The following KMT2D variants were observed in gnomAD, a reference collection of about 807,000 sequenced individuals.
The protein encoded by KMT2D is lysine methyltransferase 2D.
KMT2D carries 55 observed loss-of-function variants against 512.7 expected under a neutral mutation model. The observed-to-expected ratio is 0.11, with a 90% CI of 0.09 to 0.13. The LOEUF is 0.13. Ranked by LOEUF, KMT2D falls within the 10% of genes least tolerant of loss-of-function variation. The probability of loss-of-function intolerance (pLI) is 1.00; values close to 1 mark genes in which losing one functional copy is unlikely to be tolerated. For missense variants in KMT2D, 6,061 were observed against 7,127.9 expected, an observed-to-expected ratio of 0.85 and a Z score of 5.39; for synonymous variants, 2,995 against 2,904.0, an observed-to-expected ratio of 1.03 and a Z score of -1.01.
chr12:49,053,118 GACTAAAC>G lies in KMT2D; in HGVS notation c.955-53_955-47del, dbSNP rs781575851. On this transcript the variant is annotated intron_variant, in intron 8 of 54. Coordinates refer to ENST00000301067, the MANE Select transcript of KMT2D (RefSeq NM_003482.4). The stretch of plus-strand genomic sequence containing the variant: ...AAACAGGCATTGGTCAGACAGCAAA[GACTAAAC>G]GAAAGTACACAACTTGTCAAGACAG... 16 of 1,613,300 alleles carry G rather than the reference GACTAAAC, an allele frequency of 9.9e-6. No homozygotes were observed. The African/African-American group carries it at 2.0e-4, about 20-fold the overall frequency.
rs574622908 is a variant in KMT2D at position 49,046,358 on chromosome 12, G to T, written c.4485C>A (p.Tyr1495Ter). ...PGFHCEWQNS[Y>*]THCGPCASLV... ...GGCTGGCACAGGGCCCACAGTGTGT[G>T]TAACTATTCTGCCATTCACAGTGGA... The change falls in exon 17 of 55, where the codon TAC (tyrosine) becomes TAA (stop). Residue 1495 changes from tyrosine (Y) to a stop codon, truncating the protein, a stop_gained. Transcript: ENST00000301067. LOFTEE classifies it high-confidence loss of function. The surrounding 1 kb of genome is among the most constrained non-coding windows in gnomAD (Gnocchi z 4.2). 1 of 1,614,006 alleles carries T rather than the reference G, an allele frequency of 6.2e-7. No homozygotes were observed. Among genetic ancestry groups the T allele is most frequent in the Admixed American group, 1.7e-5 (1 of 60,018 alleles).
chr12:49,023,795 C>T (rs955264903), intron 51 of KMT2D, among the ~76,000 whole-genome samples: 8 of 152,200 alleles, frequency 5.3e-5, no homozygotes, highest in African/African-American at 1.9e-4. Flanking sequence ...AAGGACAAGG[C>T]TGGCTAGGGA....
chr12:49,054,064 G>A lies in KMT2D; in HGVS notation c.587C>T (p.Pro196Leu), dbSNP rs765493981. 1 of 1,613,814 alleles carries A rather than the reference G, an allele frequency of 6.2e-7. No homozygotes were observed. Among genetic ancestry groups the A allele is most frequent in the African/African-American group, 1.3e-5 (1 of 74,916 alleles). ...GAAGGAACCGCTGGCAGTCGCGCAG[G>A]GGAAGTGGTAAAGCCGTGGACATCC... ...SPGCPRLYHF[P>L]CATASGSFLS... Residue 196 changes from proline to leucine, a missense_variant, in exon 6 of 55, where the codon CCC becomes CTC. Transcript: ENST00000301067. This position sits in a 1 kb window ranked among gnomAD's most constrained non-coding sequence, Gnocchi z 6.4.
Position 49,032,505 on chromosome 12 carries a change from G to A in KMT2D, c.12200C>T (p.Pro4067Leu), listed in dbSNP as rs1456513754. 1.9e-6 allele frequency: 3 copies of A among 1,580,074 alleles called. No individual in the cohort carries two copies. The highest frequency in any genetic ancestry group is 1.9e-5 in the Admixed American group (1 of 53,820). The change falls in exon 40 of 55, where the codon CCC becomes CTC. Residue 4067 changes from proline to leucine, a missense_variant. Pro to Leu is a moderately conservative substitution (Grantham distance 98, BLOSUM62 -3). This residue lies in a region of KMT2D where 1,600 missense variants were observed against 1,754.9 expected (regional missense o/e 0.91). Transcript: ENST00000301067. Reference protein sequence around the residue: ...SMATEPGEVKPSLSGDSQLLL... With the variant: ...SMATEPGEVKLSLSGDSQLLL... ...GAGTTGTGAGTCCCCAGAGAGTGAG[G>A]GCTTTACCTCTCCTGGTTCAGTGGC...
At position 49,030,421 on chromosome 12, in the gene KMT2D, G is replaced by A; in HGVS notation, c.13858C>T (p.Pro4620Ser). The A allele has an allele frequency of 7.8e-7, 1 of 1,288,664 alleles. No individual in the cohort carries two copies. The highest frequency in any genetic ancestry group is 1.0e-6 in the Non-Finnish European group (1 of 965,018). 79.8% of individuals were successfully genotyped at this position (1,288,664 alleles called of 1,614,324 possible). The change falls in exon 43 of 55, where the codon CCG becomes TCG. Residue 4620 changes from proline (P) to serine (S), a missense_variant. Pro to Ser is a moderately conservative substitution (Grantham distance 74). Transcript: ENST00000301067. ...LLTKNNLSNP[P>S]TPPSSLPPTP... is the part of the protein sequence containing the mutation. ...GGGGGCAGCGACGAGGGTGGTGTCGGCGGGTTACTCAGGTTATTCTGAGGG... is the reference window on the plus strand; with the variant it reads ...GGGGGCAGCGACGAGGGTGGTGTCGACGGGTTACTCAGGTTATTCTGAGGG...
chr12:49,034,530 G>T, intron 37 of KMT2D, 52 bp downstream of exon 37: 1 of 1,611,916 alleles, frequency 6.2e-7, no homozygotes, highest in African/African-American at 1.3e-5. Flanking sequence ...GCCCTAAGAA[G>T]GGTGGCCCAG....
intron 1 of KMT2D, 25 bp from the exon 2 acceptor site, chr12:49,055,386 A>G (rs1938348653): frequency 1.4e-6 from 2 of 1,475,620 alleles, no homozygotes; most frequent in Non-Finnish European, 1.9e-6. Flanking sequence ...AAAGAGATCT[A>G]TATGCCTACT....
rs779763390 is a variant in KMT2D, at chr12:49,026,648, G to A, written c.15318C>T (p.Arg5106=). ...AATGGTAGACATTGGGGCAACGCAT[G>A]CGATTGCAGCTGCTGGTGGCACCAG... is the stretch of plus-strand genomic sequence containing the variant. ...QRTGATSSCN[R]MRCPNVYHFA... Residue 5106 remains arginine, a synonymous_variant, in exon 49 of 55, where the codon CGC becomes CGT. Transcript: ENST00000301067. This position sits in a 1 kb window ranked among gnomAD's most constrained non-coding sequence, Gnocchi z 9.6. The A allele has an allele frequency of 6.2e-7, 1 of 1,614,058 alleles. No individual in the cohort carries two copies. The highest frequency in any genetic ancestry group is 8.5e-7 in the Non-Finnish European group (1 of 1,179,908).
chr12:49,030,792 T>C (rs1177578578), intron 41 of KMT2D, 24 bp from the exon 42 acceptor site: 4 of 1,613,180 alleles, frequency 2.5e-6, no homozygotes, highest in Non-Finnish European at 2.5e-6. Context: ...GATGACAAAG[T>C]TCAAAACCTG....
chr12:49,046,154 T>G lies in KMT2D; in HGVS notation c.4604A>C (p.Glu1535Ala). 1.2e-6 allele frequency: 2 copies of G among 1,611,502 alleles called. No individual in the cohort carries two copies. The highest frequency in any genetic ancestry group is 4.5e-5 in the East Asian group (2 of 44,808). ...HCERWMHAGC[E>A]SLFTEDDVEQ... ...CACATCGTCCTCTGTGAAGAGGCTC[T>G]CACAGCCTGCATGCATCCACCTGGA... Residue 1535 changes from glutamate (E) to alanine (A), a missense_variant, in exon 18 of 55, where the codon GAG (glutamate) becomes GCG (alanine). Glu to Ala is a moderately radical substitution (Grantham distance 107). This residue lies in a region of KMT2D where 640 missense variants were observed against 814.3 expected (regional missense o/e 0.79). Transcript: ENST00000301067. This position sits in a 1 kb window ranked among gnomAD's most constrained non-coding sequence, Gnocchi z 4.2.
rs773971854 is a variant in KMT2D, at chr12:49,030,312, G to A, written c.13967C>T (p.Ala4656Val). The stretch of plus-strand genomic sequence containing the variant: ...TGCCCTTTCACTATCCCGGGCAGAG[G>A]CAGCATCCTTGGGGTGCTCCCCCAG... Reference protein sequence around the residue: ...EELGEHPKDAASARDSERALR... With the variant: ...EELGEHPKDAVSARDSERALR... The change falls in exon 43 of 55, where the codon GCC becomes GTC. Residue 4656 changes from alanine to valine, a missense_variant. Ala to Val is a moderately conservative substitution (Grantham distance 64). Around this residue, in one of 16 missense-constraint regions of KMT2D, gnomAD observed 1,600 missense variants for 1,754.9 expected, o/e 0.91. Transcript: ENST00000301067. 6 of 1,603,420 alleles carry A rather than the reference G, an allele frequency of 3.7e-6. No homozygotes were observed. The highest frequency in any genetic ancestry group is 2.2e-5 in the South Asian group (2 of 89,096).
Position 49,051,245 on chromosome 12 carries a change from G to A in KMT2D, c.2438C>T (p.Pro813Leu), listed in dbSNP as rs75226229. The change falls in exon 11 of 55, where the codon CCG becomes CTG. Residue 813 changes from proline (P) to leucine (L), a missense_variant. Coordinates refer to ENST00000301067, the MANE Select transcript of KMT2D (RefSeq NM_003482.4). ...ELHLSPQTEEPHLSPVPEEPC... is the reference protein window; with the variant it reads ...ELHLSPQTEELHLSPVPEEPC... ...CTCCTCAGGCACAGGAGACAGGTGC[G>A]GCTCCTCAGTCTGGGGGGACAGGTG... 77,028 of 1,534,894 alleles carry A rather than the reference G, an allele frequency of 0.05. 2,365 individuals are homozygous for A. Among genetic ancestry groups the A allele is most frequent in the Non-Finnish European group, 0.057 (65,073 of 1,139,796 alleles).
At position 49,038,350 on chromosome 12, in the gene KMT2D, G is replaced by C. The variant is rs184821572; in HGVS notation, c.9006C>G (p.Ala3002=). Reference sequence around the variant, plus strand: ...GAGCAAGCTCTTCATCATCCTCTAGGGCCTTGTGGGCATCAAAATCGTCAT... The same window carrying C: ...GAGCAAGCTCTTCATCATCCTCTAGCGCCTTGTGGGCATCAAAATCGTCAT... ...ELDDDFDAHK[A]LEDDEELAHL... Residue 3002 remains alanine (A), a synonymous_variant, in exon 35 of 55, where the codon GCC becomes GCG. Coordinates refer to ENST00000301067, the MANE Select transcript of KMT2D (RefSeq NM_003482.4). The surrounding 1 kb of genome is among the most constrained non-coding windows in gnomAD (Gnocchi z 5.7). The C allele has an allele frequency of 6.2e-7, 1 of 1,613,752 alleles. No individual in the cohort carries two copies. The highest frequency in any genetic ancestry group is 8.5e-7 in the Non-Finnish European group (1 of 1,179,848).
rs2120571604 is a variant in KMT2D at position 49,043,666 on chromosome 12, T to A, written c.5436A>T (p.Ser1812=). ...GTPKAKGDGG[S]ERKELPTSQK... ...GCGATGTGGGGAGTTCCTTCCTTTC[T>A]GAGCCTCCATCTCCCTTGGCTTTTG... Residue 1812 remains serine, a synonymous_variant, in exon 24 of 55, where the codon TCA becomes TCT. Coordinates refer to ENST00000301067, the MANE Select transcript of KMT2D (RefSeq NM_003482.4). The A allele has an allele frequency of 6.2e-7, 1 of 1,614,052 alleles. No homozygotes were observed. Among genetic ancestry groups the A allele is most frequent in the Non-Finnish European group, 8.5e-7 (1 of 1,179,890 alleles).
chr12:49,035,236 C>T (rs1361885028), intron 35 of KMT2D, among the ~76,000 whole-genome samples: 1 of 152,178 alleles, frequency 6.6e-6, no homozygotes, highest in East Asian at 1.9e-4. Context: ...ATCCCTACTC[C>T]GTCTACCTCA....
Position 49,032,906 on chromosome 12 carries a change from CTGT to C in KMT2D, c.11796_11798del (p.Gln3939del), listed in dbSNP as rs764678655. The C allele has an allele frequency of 1.3e-6, 2 of 1,549,906 alleles. No individual in the cohort carries two copies. The highest frequency in any genetic ancestry group is 1.7e-6 in the Non-Finnish European group (2 of 1,146,804). On this transcript the variant is annotated inframe_deletion, in exon 40 of 55. Transcript: ENST00000301067. Reference sequence around the variant, plus strand: ...GTTGAAGCTGCTGCTGCTGTTGCTGCTGTTGAAGCTGTTGCTGCTGAAGTTGCT... The same window carrying C: ...GTTGAAGCTGCTGCTGCTGTTGCTGCTGAAGCTGTTGCTGCTGAAGTTGCT...
Position 49,051,273 on chromosome 12 carries a change from A to ATTCCTCAGGCTGAGGGGACAGATGCGG in KMT2D, c.2409_2410insCCGCATCTGTCCCCTCAGCCTGAGGAA (p.Pro795_Glu803dup), listed in dbSNP as rs1555196885. ...TCCTCAGTCTGGGGGGACAGGTGCAATTCCTCAGGCTGAGGGGACAGATGT... is the reference window on the plus strand; with the variant it reads ...TCCTCAGTCTGGGGGGACAGGTGCAATTCCTCAGGCTGAGGGGACAGATGCGGTTCCTCAGGCTGAGGGGACAGATGT... On this transcript the variant is annotated inframe_insertion, in exon 11 of 55. Coordinates refer to ENST00000301067, the MANE Select transcript of KMT2D (RefSeq NM_003482.4). 16 of 1,493,126 alleles carry ATTCCTCAGGCTGAGGGGACAGATGCGG rather than the reference A, an allele frequency of 1.1e-5. No individual in the cohort carries two copies. In the African/African-American group the frequency reaches 2.0e-4, roughly 19 times the overall value. The allele number at this position is 1,493,126 out of a possible 1,614,324, so 92.5% of individuals were successfully genotyped here. A position where few individuals can be genotyped will look rare whatever the true frequency, so the allele number is the denominator to read the frequency against.
In KMT2D at chr12:49,039,222, C is replaced by T. The variant is rs1208681909; in HGVS notation, c.8366G>A (p.Arg2789Gln). 6.2e-7 allele frequency: 1 copy of T among 1,613,694 alleles called. No individual in the cohort carries two copies. The highest frequency in any genetic ancestry group is 8.5e-7 in the Non-Finnish European group (1 of 1,179,820). ...ATPSSMDVNS[R>Q]QLVGGSQAFY... ...CCCAGGGAACCTCCTGGAGCCTCACCGGCTGTTCACATCCATAGAGGAAGG... is the reference window on the plus strand; with the variant it reads ...CCCAGGGAACCTCCTGGAGCCTCACTGGCTGTTCACATCCATAGAGGAAGG... Residue 2789 changes from arginine to glutamine, a missense_variant and splice_region_variant, in exon 34 of 55, where the codon CGG (arginine) becomes CAG (glutamine). By Grantham distance (43) the Arg-to-Gln change is conservative. Transcript: ENST00000301067. The surrounding 1 kb of genome is among the most constrained non-coding windows in gnomAD (Gnocchi z 5.0).
In KMT2D at chr12:49,043,350, C is replaced by T. The variant is rs762886583; in HGVS notation, c.5533+13G>A. The T allele has an allele frequency of 2.5e-5, 41 of 1,613,398 alleles. No homozygotes were observed. The highest frequency in any genetic ancestry group is 1.6e-4 in the East Asian group (7 of 44,886). ...AGGCCAAGACAGGACACAGTAACCCCGGCAGCCCTCACCTGGTGTATCGGC... is the reference window on the plus strand; with the variant it reads ...AGGCCAAGACAGGACACAGTAACCCTGGCAGCCCTCACCTGGTGTATCGGC... On this transcript the variant is annotated intron_variant, in intron 25 of 54. Coordinates refer to ENST00000301067, the MANE Select transcript of KMT2D (RefSeq NM_003482.4).
Sources: allele counts gnomAD v4.1 joint callset (sites outside exome capture counted in the v4.1 genomes callset), GRCh38; gene constraint gnomAD v4.1.1; regional missense constraint gnomAD v4.1.1; non-coding constraint Gnocchi (gnomAD v3.1); transcripts MANE v1.5; gene names NCBI Gene and HGNC (gene_info 2026-07-23, HGNC 2026-07-21).